The following CCDC102B variants were observed in gnomAD, a reference collection of about 807,000 sequenced individuals.
CCDC102B encodes coiled-coil domain-containing protein 102B.
Under a neutral mutation model 57.4 loss-of-function variants are expected in CCDC102B, and 75 were observed. That is an observed-to-expected ratio of 1.31 (90% CI 1.08 to 1.58). The LOEUF (loss-of-function observed/expected upper bound fraction) is 1.58. Ranked by LOEUF, CCDC102B falls within the 40% of genes most tolerant of loss-of-function variation. CCDC102B has a pLI of 0.00. For synonymous variants in CCDC102B, 206 were observed against 201.9 expected, an observed-to-expected ratio of 1.02 and a Z score of -0.17; for missense variants, 636 against 582.6, an observed-to-expected ratio of 1.09 and a Z score of -0.94.
intron 7 of CCDC102B, among the ~76,000 whole-genome samples, chr18:69,024,404 T>C (rs2051928266): frequency 6.6e-6 from 1 of 152,064 alleles, no homozygotes; most frequent in Admixed American, 6.5e-5. Flanking sequence ...TACATTACAA[T>C]AAAATGGAGA....
At chr18:68,937,727 C>T (rs909860648) in intron 6 of CCDC102B, among the ~76,000 whole-genome samples, 31 of 152,160 alleles carry the variant, frequency 2.0e-4, no homozygotes, top group Non-Finnish European at 2.6e-4. Flanking sequence ...TTAGGTATTT[C>T]TCCTAACGCT....
At chr18:68,758,938 T>TA (rs551606637) in intron 2 of CCDC102B, among the ~76,000 whole-genome samples, 67 of 125,586 alleles carry the variant, frequency 5.3e-4, no homozygotes, top group Middle Eastern at 4.1e-3. Context: ...GAAAAAAACC[T>TA]AAAAAAAAAA....
intron 6 of CCDC102B, among the ~76,000 whole-genome samples, chr18:69,003,521 A>G (rs539881574): frequency 6.6e-6 from 1 of 152,316 alleles, no homozygotes; most frequent in South Asian, 2.1e-4. Flanking sequence ...TGACCTAAGG[A>G]TGACAGAGCA....
chr18:69,032,180 G>A (rs2052164402), intron 7 of CCDC102B, among the ~76,000 whole-genome samples: 1 of 152,114 alleles, frequency 6.6e-6, no homozygotes, highest in Non-Finnish European at 1.5e-5. Flanking sequence ...GAGGCACATA[G>A]CCCAGTACTC....
At chr18:68,724,182 G>C (rs995807205) in intron 2 of CCDC102B, among the ~76,000 whole-genome samples, 2 of 152,180 alleles carry the variant, frequency 1.3e-5, no homozygotes, top group African/African-American at 4.8e-5. Flanking sequence ...ACCAGGTCCT[G>C]AGGCTACATA....
intron 6 of CCDC102B, among the ~76,000 whole-genome samples, chr18:68,985,913 A>C (rs2050710828): frequency 6.6e-6 from 1 of 152,194 alleles, no homozygotes; most frequent in African/African-American, 2.4e-5. Flanking sequence ...CACAGGAATT[A>C]AGATGAAATT....
intron 2 of CCDC102B, among the ~76,000 whole-genome samples, chr18:68,776,372 C>T (rs567846705): frequency 1.3e-5 from 2 of 152,114 alleles, no homozygotes; most frequent in East Asian, 3.9e-4. Flanking sequence ...TGTGAGTGTT[C>T]CTTGTAGCAC....
At chr18:68,773,864 C>G (rs2034723908) in intron 2 of CCDC102B, among the ~76,000 whole-genome samples, 1 of 151,862 alleles carries the variant, frequency 6.6e-6, no homozygotes, top group South Asian at 2.1e-4. Context: ...ATGAAATAGT[C>G]AAATATTTAT....
intron 4 of CCDC102B, among the ~76,000 whole-genome samples, chr18:68,867,430 C>G (rs1225279394): frequency 6.6e-6 from 1 of 152,210 alleles, no homozygotes; most frequent in East Asian, 1.9e-4. Context: ...TTGGCTCCTT[C>G]TCCCTGAGAC....
chr18:68,941,973 T>C (rs1282272544), intron 6 of CCDC102B, among the ~76,000 whole-genome samples: 2 of 152,106 alleles, frequency 1.3e-5, no homozygotes, highest in Non-Finnish European at 1.5e-5. Context: ...TGCTGGTAAT[T>C]GTCTGCCTCT....
chr18:68,909,881 A>AT (rs1335456700), intron 6 of CCDC102B, among the ~76,000 whole-genome samples: 1 of 152,160 alleles, frequency 6.6e-6, no homozygotes, highest in Non-Finnish European at 1.5e-5. Context: ...TTGGAATGTA[A>AT]TTTTTGTTTG....
At chr18:68,780,429 C>T (rs1425153015) in intron 2 of CCDC102B, among the ~76,000 whole-genome samples, 1 of 149,604 alleles carries the variant, frequency 6.7e-6, no homozygotes, top group Non-Finnish European at 1.5e-5. Context: ...TTCCTCCCAT[C>T]AATATGTAAG....
At chr18:68,762,924 C>T (rs892101495) in intron 2 of CCDC102B, among the ~76,000 whole-genome samples, 4 of 152,004 alleles carry the variant, frequency 2.6e-5, no homozygotes, top group African/African-American at 4.8e-5. Context: ...GGAATGTATC[C>T]GCTACAGATA....
At chr18:68,811,118 T>C (rs2036248107) in intron 1 of CCDC102B, among the ~76,000 whole-genome samples, 1 of 152,232 alleles carries the variant, frequency 6.6e-6, no homozygotes, top group African/African-American at 2.4e-5. Flanking sequence ...TTTGGTTTGC[T>C]TCCAAGTCTT....
intron 4 of CCDC102B, among the ~76,000 whole-genome samples, chr18:68,874,031 TG>T (rs771740586): frequency 5.9e-5 from 9 of 151,982 alleles, no homozygotes; most frequent in Non-Finnish European, 1.0e-4. Flanking sequence ...AGAACAGCTG[TG>T]GGAAAATAAT....
At chr18:68,817,051 A>C (rs977496338) in intron 1 of CCDC102B, among the ~76,000 whole-genome samples, 3 of 152,224 alleles carry the variant, frequency 2.0e-5, no homozygotes, top group Non-Finnish European at 4.4e-5. Context: ...CAGACCAAAA[A>C]TTATGCTATT....
intron 2 of CCDC102B, among the ~76,000 whole-genome samples, chr18:68,773,008 T>G (rs1457995027): frequency 6.6e-6 from 1 of 152,044 alleles, no homozygotes; most frequent in Admixed American, 6.6e-5. Context: ...AAAGTTTTAA[T>G]TCCTGAGACA....
At chr18:68,985,389 A>G (rs144296776) in intron 6 of CCDC102B, among the ~76,000 whole-genome samples, 144 of 152,268 alleles carry the variant, frequency 9.5e-4, no homozygotes, top group African/African-American at 3.3e-3. Flanking sequence ...CTCTCATAAA[A>G]CGTACACTCT....
At chr18:68,715,244 C>G (rs1037079199) in exon 1 of CCDC102B, 1 of 1,343,970 alleles carries the variant, frequency 7.4e-7, no homozygotes, top group Non-Finnish European at 9.5e-7. Flanking sequence ...CGGTGCCCCC[C>G]TCCACGCCCA....
Sources: gnomAD v4.1 joint callset for allele counts (sites outside exome capture counted in the v4.1 genomes callset) on GRCh38, gnomAD v4.1.1 for gene constraint, MANE v1.5 for transcripts, NCBI Gene and HGNC (gene_info 2026-07-23, HGNC 2026-07-21) for gene names.